FSTL5: variants seen among roughly 807,000 people sequenced by gnomAD.
FSTL5 encodes the protein follistatin like 5, also known as follistatin-related protein 5.
Under a neutral mutation model 89.1 loss-of-function variants are expected in FSTL5, and 62 were observed. The ratio of observed to expected loss-of-function variants is 0.70; its 90% CI spans 0.57 to 0.86. The LOEUF is 0.86. FSTL5 is among the 40% of genes least tolerant of loss of function. The probability of loss-of-function intolerance (pLI) is 0.00; values close to 1 mark genes in which losing one functional copy is unlikely to be tolerated. For missense variants in FSTL5, 1,057 were observed against 1,001.6 expected, an observed-to-expected ratio of 1.06 and a Z score of -0.75; for synonymous variants, 383 against 346.2, an observed-to-expected ratio of 1.11 and a Z score of -1.18.
intron 10 of FSTL5, among the ~76,000 whole-genome samples, chr4:161,516,536 T>C (rs1730837535): frequency 6.8e-6 from 1 of 147,022 alleles, no homozygotes; most frequent in African/African-American, 2.5e-5. Context: ...AAAATATATT[T>C]ACATATAGTA....
At chr4:161,924,416 T>C (rs1241771496) in intron 3 of FSTL5, among the ~76,000 whole-genome samples, 1 of 150,944 alleles carries the variant, frequency 6.6e-6, no homozygotes, top group Admixed American at 6.6e-5. Context: ...CAGCTGATAC[T>C]TATAGAGTGT....
intron 3 of FSTL5, among the ~76,000 whole-genome samples, chr4:162,004,536 G>A (rs927235726): frequency 6.6e-6 from 1 of 151,942 alleles, no homozygotes; most frequent in African/African-American, 2.4e-5. Context: ...TTGCTCTTGC[G>A]GTTATAACTG....
intron 4 of FSTL5, among the ~76,000 whole-genome samples, chr4:161,794,303 C>T (rs1560927): frequency 0.73 from 111,534 of 151,958 alleles, 40,993 homozygotes; most frequent in Non-Finnish European, 0.76. Context: ...AATATGTTGA[C>T]TCAGGTCATT....
chr4:161,714,916 C>T (rs1328560608), intron 6 of FSTL5, among the ~76,000 whole-genome samples: 1 of 152,014 alleles, frequency 6.6e-6, no homozygotes, highest in Non-Finnish European at 1.5e-5. Context: ...TCTTAATATA[C>T]ATATTTTCTT....
chr4:161,555,931 G>C (rs1732372001), intron 8 of FSTL5, among the ~76,000 whole-genome samples: 1 of 151,496 alleles, frequency 6.6e-6, no homozygotes, highest in Non-Finnish European at 1.5e-5. Context: ...GATGGGAATT[G>C]AACCTGTCTA....
At position 161,907,643 on chromosome 4, in the gene FSTL5, CA is replaced by C. The variant is rs540630585; in HGVS notation, c.409+12760del. On this transcript the variant is annotated intron_variant, in intron 4 of 15. Transcript: ENST00000306100. ...CTGCATACATGGGTGCTGATACTAT[CA>C]CTTACTATCTGAAAGTCAGGGTGAA... Among the ~76,000 whole-genome samples, 165 of 152,198 alleles carry C rather than the reference CA, an allele frequency of 1.1e-3. 2 individuals are homozygous for C. The Middle Eastern group carries it at 0.014, about 13-fold the overall frequency.
intron 5 of FSTL5, among the ~76,000 whole-genome samples, chr4:161,769,667 G>C (rs1017097412): frequency 2.6e-5 from 4 of 151,722 alleles, no homozygotes; most frequent in South Asian, 2.1e-4. Context: ...AGAAAACTGG[G>C]GATAGAAGAA....
At chr4:161,821,866 A>G (rs564424887) in intron 4 of FSTL5, among the ~76,000 whole-genome samples, 1 of 152,136 alleles carries the variant, frequency 6.6e-6, no homozygotes, top group East Asian at 1.9e-4. Context: ...ATATTTTTGC[A>G]ATTGCAAATT....
chr4:161,530,663 C>A (rs1731380588), intron 10 of FSTL5, among the ~76,000 whole-genome samples: 1 of 151,796 alleles, frequency 6.6e-6, no homozygotes, highest in South Asian at 2.1e-4. Flanking sequence ...TATATTTAGA[C>A]CGTAAAATTC....
At chr4:161,666,815 A>C (rs1736911650) in intron 6 of FSTL5, among the ~76,000 whole-genome samples, 1 of 149,398 alleles carries the variant, frequency 6.7e-6, no homozygotes, top group African/African-American at 2.6e-5. Context: ...GAAAGTAATT[A>C]GGAGAACTTA....
intron 7 of FSTL5, among the ~76,000 whole-genome samples, chr4:161,619,294 T>C (rs1332234797): frequency 6.6e-6 from 1 of 151,990 alleles, no homozygotes; most frequent in Non-Finnish European, 1.5e-5. Context: ...GGACTTCATG[T>C]CCAAAACACC....
intron 6 of FSTL5, among the ~76,000 whole-genome samples, chr4:161,689,921 G>A (rs1737872872): frequency 6.6e-6 from 1 of 151,978 alleles, no homozygotes; most frequent in African/African-American, 2.4e-5. Context: ...TTTCGTCTTT[G>A]TTGTTTCACT....
At chr4:161,686,089 T>A (rs1284835116) in intron 6 of FSTL5, among the ~76,000 whole-genome samples, 1 of 151,768 alleles carries the variant, frequency 6.6e-6, no homozygotes, top group African/African-American at 2.4e-5. Context: ...CATCCCTGTA[T>A]CCCTTGTATG....
intron 4 of FSTL5, among the ~76,000 whole-genome samples, chr4:161,778,019 C>T (rs539830003): frequency 2.0e-5 from 3 of 151,972 alleles, no homozygotes; most frequent in East Asian, 3.9e-4. Context: ...GCTGGAACCC[C>T]GGAGGCAGAG....
At chr4:161,905,379 C>T (rs1364405990) in intron 4 of FSTL5, among the ~76,000 whole-genome samples, 1 of 152,052 alleles carries the variant, frequency 6.6e-6, no homozygotes, top group Non-Finnish European at 1.5e-5. Context: ...GATGTCATTA[C>T]CACATTGTAG....
At chr4:161,715,594 A>G (rs78235642) in intron 6 of FSTL5, among the ~76,000 whole-genome samples, 1 of 152,114 alleles carries the variant, frequency 6.6e-6, no homozygotes, top group Admixed American at 6.5e-5. Flanking sequence ...TAAAAGAATT[A>G]TAAGTTTCGA....
intron 4 of FSTL5, among the ~76,000 whole-genome samples, chr4:161,847,898 T>C (rs1328742481): frequency 1.9e-4 from 29 of 151,292 alleles, no homozygotes; most frequent in Admixed American, 1.9e-3. Context: ...TATCTGGGTG[T>C]GGTGGTGTGT....
chr4:161,760,642 T>A (rs2126790402), intron 5 of FSTL5, among the ~76,000 whole-genome samples: 1 of 152,324 alleles, frequency 6.6e-6, no homozygotes, highest in Non-Finnish European at 1.5e-5. Context: ...CATTTAACAT[T>A]AAAAATAGTA....
rs907958349 is a variant in FSTL5 at position 161,898,440 on chromosome 4, C to T, written c.409+21964G>A. Among the ~76,000 whole-genome samples, 17 of 151,826 alleles carry T rather than the reference C, an allele frequency of 1.1e-4. 1 individual carries two copies. Among genetic ancestry groups the T allele is most frequent in the East Asian group, 3.9e-4 (2 of 5,184 alleles). On this transcript the variant is annotated intron_variant, in intron 4 of 15. Coordinates refer to ENST00000306100, the MANE Select transcript of FSTL5 (RefSeq NM_020116.5). The stretch of plus-strand genomic sequence containing the variant: ...AAGGAAAAATGATATGGTAAGATTA[C>T]GCTTAGCTTCATAGGAAAGTGCCAA...
Sources: gnomAD v4.1 joint callset for allele counts (sites outside exome capture counted in the v4.1 genomes callset) on GRCh38, gnomAD v4.1.1 for gene constraint, MANE v1.5 for transcripts, NCBI Gene and HGNC (gene_info 2026-07-23, HGNC 2026-07-21) for gene names.